Variants in PPHLN1 observed in about 807,000 individuals in gnomAD.
PPHLN1 encodes the protein periphilin 1, also known as periphilin-1.
In PPHLN1, 29 loss-of-function variants were observed where a neutral mutation model predicts 51.3. The ratio of observed to expected loss-of-function variants is 0.57; its 90% confidence interval spans 0.42 to 0.77. The LOEUF is 0.77. PPHLN1 is among the 30% of genes least tolerant of loss of function. The probability of loss-of-function intolerance (pLI) is 0.00; values close to 1 mark genes in which losing one functional copy is unlikely to be tolerated. For missense variants in PPHLN1, 436 were observed against 438.4 expected (o/e 0.99, Z 0.05); for synonymous variants, 147 against 147.8 (o/e 0.99, Z 0.04).
chr12:42,390,806 A>G (rs2077626599), intron 7 of PPHLN1, among the ~76,000 whole-genome samples: 1 of 146,898 alleles, frequency 6.8e-6, no homozygotes, highest in Non-Finnish European at 1.5e-5. Flanking sequence ...TTTTTTTTTC[A>G]CAGACCGTGA....
rs147581222 is a variant in PPHLN1, at chr12:42,383,118, A to T, written c.512-1822A>T. ...GCCTACCTAAGACAATACTAATGGG[A>T]ATCTGTAATTATATGTGGTAATACC... is the stretch of plus-strand genomic sequence containing the variant. On this transcript the variant is annotated intron_variant, in intron 5 of 9. Transcript: ENST00000358314. Among the ~76,000 whole-genome samples the T allele has an allele frequency of 2.7e-4, 41 of 152,358 alleles. 1 individual carries two copies. The highest frequency in any genetic ancestry group is 5.2e-4 in the Admixed American group (8 of 15,300).
At chr12:42,425,282 C>T (rs1398563382) in intron 9 of PPHLN1, among the ~76,000 whole-genome samples, 3 of 134,474 alleles carry the variant, frequency 2.2e-5, no homozygotes, top group African/African-American at 8.5e-5. Context: ...TTAGTAGAGA[C>T]AGGGTTTCAC....
At chr12:42,352,191 C>A in intron 3 of PPHLN1, 142 bp downstream of exon 3, 1 of 729,710 alleles carries the variant, frequency 1.4e-6, no homozygotes, top group Non-Finnish European at 1.9e-6. Context: ...CCTGCTGGAG[C>A]TGTCAGATGG....
rs191354710 is a variant in PPHLN1, at chr12:42,420,509, C to T, written c.910-20806C>T. On this transcript the variant is annotated intron_variant, in intron 9 of 9. Transcript: ENST00000358314. ...TCTGAGATGGAGTCTCACTTTCTTG[C>T]GCAGGCTAGGGAGTGCGGTGGCACC... 1.5e-3 allele frequency among the ~76,000 whole-genome samples: 222 copies of T among 150,600 alleles called. 1 individual carries two copies. In the South Asian group the frequency reaches 0.031, roughly 21 times the overall value.
intron 1 of PPHLN1, among the ~76,000 whole-genome samples, chr12:42,329,374 G>T (rs1384718176): frequency 6.6e-6 from 1 of 151,898 alleles, no homozygotes; most frequent in Admixed American, 6.6e-5. Context: ...CAAAGTGCTG[G>T]GATTACAAGC....
intron 9 of PPHLN1, among the ~76,000 whole-genome samples, chr12:42,435,825 A>G (rs2082432464): frequency 6.6e-6 from 1 of 152,182 alleles, no homozygotes; most frequent in East Asian, 1.9e-4. Context: ...CCACTTAACC[A>G]TGACAACTTT....
intron 4 of PPHLN1, among the ~76,000 whole-genome samples, chr12:42,358,554 C>G (rs1565815363): frequency 6.6e-6 from 1 of 152,122 alleles, no homozygotes; most frequent in Non-Finnish European, 1.5e-5. Context: ...CCACACCCAT[C>G]TATTTTATTT....
intron 9 of PPHLN1, among the ~76,000 whole-genome samples, chr12:42,429,939 A>G (rs1205998605): frequency 2.0e-5 from 3 of 152,220 alleles, no homozygotes; most frequent in Non-Finnish European, 4.4e-5. Context: ...TTCTGGATGT[A>G]ATAAGAAATA....
intron 7 of PPHLN1, among the ~76,000 whole-genome samples, chr12:42,392,250 C>A (rs1016479480): frequency 3.9e-5 from 6 of 152,090 alleles, no homozygotes; most frequent in Non-Finnish European, 5.9e-5. Flanking sequence ...AGATTTAAGT[C>A]CCAGCTCAGC....
chr12:42,368,045 A>G (rs1170162098), intron 4 of PPHLN1, among the ~76,000 whole-genome samples: 1 of 152,186 alleles, frequency 6.6e-6, no homozygotes, highest in Non-Finnish European at 1.5e-5. Context: ...CCAAAAATAA[A>G]TTATTAAATA....
At chr12:42,342,231 A>G (rs2071618864) in intron 2 of PPHLN1, among the ~76,000 whole-genome samples, 1 of 119,392 alleles carries the variant, frequency 8.4e-6, no homozygotes, top group African/African-American at 3.8e-5. Context: ...ACAGAATGGC[A>G]TTCATTCATT....
Position 42,404,032 on chromosome 12 carries a change from CT to C in PPHLN1, c.909+5050del, listed in dbSNP as rs1244802926. On this transcript the variant is annotated intron_variant, in intron 9 of 9. Transcript: ENST00000358314. ...TTTCACATCTTAGAGACCTTTTCCTCTTTTTTTTTTTTCTTTTTTTTGAAAC... is the reference window on the plus strand; with the variant it reads ...TTTCACATCTTAGAGACCTTTTCCTCTTTTTTTTTTTCTTTTTTTTGAAAC... Among the ~76,000 whole-genome samples the C allele has an allele frequency of 9.9e-3, 1,424 of 143,774 alleles. 7 individuals are homozygous for C. The highest frequency in any genetic ancestry group is 0.038 in the East Asian group (188 of 4,936). The allele number at this position is 143,774 out of a possible 152,430, so 94.3% of individuals were successfully genotyped here. A position where few individuals can be genotyped will look rare whatever the true frequency, so the allele number is the denominator to read the frequency against.
intron 7 of PPHLN1, among the ~76,000 whole-genome samples, chr12:42,392,987 G>A (rs1275581057): frequency 2.0e-5 from 3 of 152,184 alleles, no homozygotes; most frequent in African/African-American, 7.2e-5. Flanking sequence ...TCATTAAACT[G>A]CGATTCAAAG....
intron 4 of PPHLN1, among the ~76,000 whole-genome samples, chr12:42,356,504 A>G (rs542070012): frequency 1.5e-4 from 23 of 152,278 alleles, no homozygotes; most frequent in African/African-American, 5.5e-4. Flanking sequence ...AACCTATTTA[A>G]TTGTCTCTGT....
At chr12:42,354,267 G>T (rs1391593955) in intron 3 of PPHLN1, among the ~76,000 whole-genome samples, 1 of 152,088 alleles carries the variant, frequency 6.6e-6, no homozygotes, top group Non-Finnish European at 1.5e-5. Flanking sequence ...TGCCCAGGCT[G>T]GAGTGCAGTG....
At chr12:42,413,520 ATGTATATG>A (rs1214968419) in intron 9 of PPHLN1, among the ~76,000 whole-genome samples, 7 of 128,234 alleles carry the variant, frequency 5.5e-5, no homozygotes, top group African/African-American at 2.0e-4. Flanking sequence ...AACTATATAT[ATGTATATG>A]TGTGTGTGTG....
At chr12:42,435,602 CA>C (rs1566032764) in intron 9 of PPHLN1, among the ~76,000 whole-genome samples, 1 of 152,150 alleles carries the variant, frequency 6.6e-6, no homozygotes, top group Non-Finnish European at 1.5e-5. Flanking sequence ...CTGGCCTCAT[CA>C]ACACATTAAA....
At chr12:42,386,751 A>G (rs1358617858) in intron 6 of PPHLN1, among the ~76,000 whole-genome samples, 1 of 152,210 alleles carries the variant, frequency 6.6e-6, no homozygotes, top group Non-Finnish European at 1.5e-5. Context: ...AACTAAACCT[A>G]TCTTTTAGGG....
chr12:42,328,676 G>A (rs75112698), intron 1 of PPHLN1, among the ~76,000 whole-genome samples: 1,797 of 152,306 alleles, frequency 0.012, 41 homozygotes, highest in African/African-American at 0.041. Context: ...GGAAAGTCAA[G>A]TGACTTGTGA....
Sources: gnomAD v4.1 joint callset for allele counts (sites outside exome capture counted in the v4.1 genomes callset) on GRCh38, gnomAD v4.1.1 for gene constraint, MANE v1.5 for transcripts, NCBI Gene and HGNC (gene_info 2026-07-23, HGNC 2026-07-21) for gene names.